Variants in RASAL1 observed in about 807,000 individuals in gnomAD.
The protein encoded by RASAL1 is RAS protein activator like 1, also known as rasGAP-activating-like protein 1.
Under a neutral mutation model 96.6 loss-of-function variants are expected in RASAL1, and 72 were observed. The observed-to-expected ratio is 0.75, with a 90% CI of 0.62 to 0.91. The LOEUF is 0.91. RASAL1 is among the 40% of genes least tolerant of loss of function. The probability of loss-of-function intolerance (pLI) is 0.00; values close to 1 mark genes in which losing one functional copy is unlikely to be tolerated. For synonymous variants in RASAL1, 405 were observed against 430.4 expected (o/e 0.94, Z 0.73); for missense variants, 1,016 against 1,072.5 (o/e 0.95, Z 0.74).
Position 113,114,772 on chromosome 12 carries a change from AAGGTCAGGGTCCTC to A in RASAL1, c.1181+14_1181+27del. On this transcript the variant is annotated intron_variant, in intron 12 of 20. Coordinates refer to ENST00000548055, the MANE Select transcript of RASAL1 (RefSeq NM_001301202.2). ...CCGGGTAGCCAAAGGGGCCCGTCGG[AAGGTCAGGGTCCTC>A]AGGCTTTGCTCACCGGGTGCGGCCC... The A allele has an allele frequency of 1.3e-6, 2 of 1,589,430 alleles. No homozygotes were observed. The highest frequency in any genetic ancestry group is 1.7e-6 in the Non-Finnish European group (2 of 1,157,824).
At chr12:113,113,702 C>G (rs1412192483) in intron 12 of RASAL1, among the ~76,000 whole-genome samples, 1 of 152,182 alleles carries the variant, frequency 6.6e-6, no homozygotes, top group Non-Finnish European at 1.5e-5. Context: ...AAGGAAAGAT[C>G]CTCTCCTGTC....
intron 5 of RASAL1, among the ~76,000 whole-genome samples, chr12:113,121,293 T>C (rs548948072): frequency 6.6e-6 from 1 of 152,350 alleles, no homozygotes; most frequent in South Asian, 2.1e-4. Flanking sequence ...GAGTGTCTGG[T>C]CTGTTGCTGC....
intron 12 of RASAL1, among the ~76,000 whole-genome samples, chr12:113,113,923 A>G (rs1209812536): frequency 6.6e-6 from 1 of 152,162 alleles, no homozygotes; most frequent in African/African-American, 2.4e-5. Context: ...CACCACAATA[A>G]TAAAAATCGC....
intron 8 of RASAL1, 122 bp downstream of exon 8, chr12:113,116,951 A>G (rs1951108903): frequency 2.8e-6 from 2 of 722,316 alleles, no homozygotes; most frequent in East Asian, 6.1e-5. Flanking sequence ...CAGTTGTTAA[A>G]TGGATGAATG....
At chr12:113,114,770 G>C (rs375978420) in intron 12 of RASAL1, 30 bp downstream of exon 12, 10 of 1,585,630 alleles carry the variant, frequency 6.3e-6, no homozygotes, top group Non-Finnish European at 7.8e-6. Context: ...GGGGCCCGTC[G>C]GAAGGTCAGG....
intron 4 of RASAL1, among the ~76,000 whole-genome samples, chr12:113,122,480 C>T (rs1438140598): frequency 3.3e-5 from 5 of 152,136 alleles, no homozygotes; most frequent in Non-Finnish European, 2.9e-5. Context: ...TATACCACCA[C>T]AGCTAGCTAA....
rs144567747 is a variant in RASAL1, at chr12:113,099,909, G to C, written c.*20C>G. ...CCCCCTGGCTCTTGCTCCTCCTTCC[G>C]GGCTAGCTCTGGCATTTCCTTAGGG... On this transcript the variant is annotated 3_prime_UTR_variant, in exon 21 of 21. Coordinates refer to ENST00000548055, the MANE Select transcript of RASAL1 (RefSeq NM_001301202.2). The C allele has an allele frequency of 1.9e-6, 3 of 1,601,358 alleles. No homozygotes were observed. In the South Asian group the frequency reaches 3.3e-5, roughly 18 times the overall value.
intron 1 of RASAL1, among the ~76,000 whole-genome samples, chr12:113,134,893 G>T (rs990796267): frequency 6.6e-6 from 1 of 152,070 alleles, no homozygotes; most frequent in South Asian, 2.1e-4. Flanking sequence ...GACCCTGGAG[G>T]GCCACCTGGT....
Position 113,115,267 on chromosome 12 carries a change from G to T in RASAL1, c.1004-3C>A. 2 of 1,612,598 alleles carry T rather than the reference G, an allele frequency of 1.2e-6. No individual in the cohort carries two copies. Among genetic ancestry groups the T allele is most frequent in the Non-Finnish European group, 1.7e-6 (2 of 1,178,630 alleles). The stretch of plus-strand genomic sequence containing the variant: ...ACGGAAGAGGGTGTTGGGGTCCACT[G>T]GGAGGACAGGAGGAAGTGTTTGCTG... On this transcript the variant is annotated splice_region_variant and splice_polypyrimidine_tract_variant and intron_variant, in intron 10 of 20. Transcript: ENST00000548055. The surrounding 1 kb of genome is among the most constrained non-coding windows in gnomAD (Gnocchi z 4.1).
Position 113,119,361 on chromosome 12 carries a change from C to G in RASAL1, c.510+1G>C. 1 of 1,613,152 alleles carries G rather than the reference C, an allele frequency of 6.2e-7. No individual in the cohort carries two copies. The highest frequency in any genetic ancestry group is 2.2e-5 in the East Asian group (1 of 44,846). On this transcript the variant is annotated splice_donor_variant, in intron 6 of 20. Coordinates refer to ENST00000548055, the MANE Select transcript of RASAL1 (RefSeq NM_001301202.2). LOFTEE classifies it high-confidence loss of function. The stretch of plus-strand genomic sequence containing the variant: ...TCCTGGCTTCATTCCCCACCACTCA[C>G]TGAGGTCTCCAAGCTCTGGCTGCCC...
intron 18 of RASAL1, chr12:113,103,222 TATA>T (rs1050054675): frequency 7.5e-5 from 11 of 147,406 alleles, no homozygotes; most frequent in South Asian, 2.1e-4. Flanking sequence ...TATTATTTTA[TATA>T]ATAACAATGT....
chr12:113,111,951 G>T, intron 13 of RASAL1, 135 bp downstream of exon 13: 1 of 774,778 alleles, frequency 1.3e-6, no homozygotes, highest in Non-Finnish European at 1.8e-6. Context: ...CAGGAACGCT[G>T]TCCCCACTTC....
In RASAL1 at chr12:113,105,726, A is replaced by T; in HGVS notation, c.1818T>A (p.Ser606Arg). 2 of 1,608,760 alleles carry T rather than the reference A, an allele frequency of 1.2e-6. No homozygotes were observed. Among genetic ancestry groups the T allele is most frequent in the Non-Finnish European group, 1.7e-6 (2 of 1,176,546 alleles). ...ACTGGAACCCCACCTGCCACTCAGG[A>T]CTCTTGGAGAAGGAGAGGGTCTCCC... is the stretch of plus-strand genomic sequence containing the variant. ...LSGETLSFSKSPEWQMCHSIP... is the reference protein window; with the variant it reads ...LSGETLSFSKRPEWQMCHSIP... The change falls in exon 16 of 21, where the codon AGT becomes AGA. Residue 606 changes from serine to arginine, a missense_variant. Ser to Arg is a moderately radical substitution (Grantham distance 110, BLOSUM62 -1). Coordinates refer to ENST00000548055, the MANE Select transcript of RASAL1 (RefSeq NM_001301202.2).
chr12:113,122,804 T>C (rs546743196), intron 4 of RASAL1, among the ~76,000 whole-genome samples: 51 of 152,352 alleles, frequency 3.3e-4, no homozygotes, highest in East Asian at 2.7e-3. Context: ...TTAAAATTAT[T>C]TCCTCTTCCC....
At chr12:113,108,837 C>CT (rs56395319) in intron 13 of RASAL1, among the ~76,000 whole-genome samples, 13,518 of 121,508 alleles carry the variant, frequency 0.11, 937 homozygotes, top group Middle Eastern at 0.19. Flanking sequence ...TTTTTTCTTT[C>CT]TTTTTTTTTT....
chr12:113,108,671 C>T (rs1351825175), intron 13 of RASAL1, among the ~76,000 whole-genome samples: 1 of 152,120 alleles, frequency 6.6e-6, no homozygotes, highest in Non-Finnish European at 1.5e-5. Context: ...TCTATACATT[C>T]GCTTATTTAA....
At chr12:113,104,437 G>C in intron 16 of RASAL1, 139 bp from the exon 17 acceptor site, 1 of 771,970 alleles carries the variant, frequency 1.3e-6, no homozygotes, top group Non-Finnish European at 2.1e-6. Context: ...TGCTCTGTGT[G>C]CTCGTCCATC....
chr12:113,112,401 G>T, intron 12 of RASAL1, 123 bp from the exon 13 acceptor site: 1 of 683,794 alleles, frequency 1.5e-6, no homozygotes, highest in Non-Finnish European at 2.1e-6. Flanking sequence ...CCTCCTTCCT[G>T]CCCCTTCCCA....
At chr12:113,124,442 T>G (rs1329001859) in intron 4 of RASAL1, among the ~76,000 whole-genome samples, 1 of 152,206 alleles carries the variant, frequency 6.6e-6, no homozygotes, top group Admixed American at 6.5e-5. Context: ...CTTTTCTTGC[T>G]GCCTGTTCTG....
Sources: allele counts gnomAD v4.1 joint callset (sites outside exome capture counted in the v4.1 genomes callset), GRCh38; gene constraint gnomAD v4.1.1; non-coding constraint Gnocchi (gnomAD v3.1); transcripts MANE v1.5; gene names NCBI Gene and HGNC (gene_info 2026-07-23, HGNC 2026-07-21).